NBEAL2: variants seen among roughly 807,000 people sequenced by gnomAD.
NBEAL2 encodes the protein neurobeachin like 2, also known as neurobeachin-like protein 2.
NBEAL2 carries 160 observed loss-of-function variants against 299.8 expected under a neutral mutation model. The ratio of observed to expected loss-of-function variants is 0.53; its 90% CI spans 0.47 to 0.61. The LOEUF (loss-of-function observed/expected upper bound fraction) is 0.61. NBEAL2 is among the 20% of genes least tolerant of loss of function. The pLI, the probability that NBEAL2 is intolerant of heterozygous loss-of-function variation, is 0.00. For synonymous variants in NBEAL2, 1,493 were observed against 1,542.3 expected, an observed-to-expected ratio of 0.97 and a Z score of 0.75; for missense variants, 3,112 against 3,649.0, an observed-to-expected ratio of 0.85 and a Z score of 3.79.
At chr3:47,005,362 A>C in intron 40 of NBEAL2, 41 bp downstream of exon 40, 1 of 1,591,522 alleles carries the variant, frequency 6.3e-7, no homozygotes, top group Non-Finnish European at 8.6e-7. Context: ...GGGGCAGATA[A>C]GGGGAGGAGG....
intron 53 of NBEAL2, 45 bp from the exon 54 acceptor site, chr3:47,009,174 G>A (rs1447842588): frequency 1.6e-5 from 25 of 1,554,974 alleles, no homozygotes; most frequent in Non-Finnish European, 2.1e-5. Context: ...GCGGGGCGTG[G>A]CGCGGCGATC....
rs201681998 is a variant in NBEAL2 at position 46,992,019 on chromosome 3, T to C, written c.1032+73T>C. On this transcript the variant is annotated intron_variant, in intron 9 of 53. Transcript: ENST00000450053. Reference sequence around the variant, plus strand: ...GGGGAGCCACGCATAGGTGCCAGGCTGCTGCTGAGCAAACATGGGCTGGAC... The same window carrying C: ...GGGGAGCCACGCATAGGTGCCAGGCCGCTGCTGAGCAAACATGGGCTGGAC... 127 of 1,312,080 alleles carry C rather than the reference T, an allele frequency of 9.7e-5. 2 individuals carry two copies. The East Asian group carries it at 3.0e-3, about 31-fold the overall frequency. The allele number at this position is 1,312,080 out of a possible 1,614,324, so 81.3% of individuals were successfully genotyped here. A position where few individuals can be genotyped will look rare whatever the true frequency, so the allele number is the denominator to read the frequency against.
rs13081418 is a variant in NBEAL2 at position 47,005,868 on chromosome 3, A to C, written c.6801+21A>C. On this transcript the variant is annotated intron_variant, in intron 42 of 53. Transcript: ENST00000450053. ...CTCTGGTGAGGAAGGAACCACAGGC[A>C]AACGGCAGGCAGCCGGGGTTCTGAA... 0.32 allele frequency: 510,521 copies of C among 1,612,402 alleles called. 83,948 individuals are homozygous for C. Among genetic ancestry groups the C allele is most frequent in the South Asian group, 0.35 (31,661 of 91,064 alleles).
Position 47,005,603 on chromosome 3 carries a change from C to G in NBEAL2, c.6675C>G (p.Phe2225Leu). 1 of 1,613,610 alleles carries G rather than the reference C, an allele frequency of 6.2e-7. No individual in the cohort carries two copies. The highest frequency in any genetic ancestry group is 8.5e-7 in the Non-Finnish European group (1 of 1,179,754). ...CGGAATTCTTCTACTTTCCTGACTT[C>G]CTGGAGAACCAGAACGGTAGGTGTG... is the stretch of plus-strand genomic sequence containing the variant. ...LIPEFFYFPD[F>L]LENQNGFDLG... Residue 2225 changes from phenylalanine to leucine, a missense_variant, in exon 41 of 54, where the codon TTC becomes TTG. Around this residue, in one of 3 missense-constraint regions of NBEAL2, gnomAD observed 521 missense variants for 729.6 expected, o/e 0.71. Transcript: ENST00000450053.
At chr3:46,981,641 C>T (rs889159024) in intron 1 of NBEAL2, among the ~76,000 whole-genome samples, 3 of 152,132 alleles carry the variant, frequency 2.0e-5, no homozygotes, top group Non-Finnish European at 4.4e-5. Context: ...GAGAAGCCTA[C>T]CCTAGTCCTC....
chr3:47,002,582 C>T, intron 32 of NBEAL2, 62 bp downstream of exon 32: 6 of 1,608,618 alleles, frequency 3.7e-6, no homozygotes, highest in Non-Finnish European at 5.1e-6. Context: ...AGATGACTGA[C>T]AATGTGGAGA....
At chr3:46,985,534 C>T (rs1233288056) in intron 1 of NBEAL2, among the ~76,000 whole-genome samples, 2 of 152,174 alleles carry the variant, frequency 1.3e-5, no homozygotes, top group South Asian at 2.1e-4. Flanking sequence ...AAGCAGCCCT[C>T]GGGAGCCCCT....
chr3:46,998,673 G>A (rs189111289), intron 22 of NBEAL2, 44 bp from the exon 23 acceptor site: 19 of 1,554,962 alleles, frequency 1.2e-5, no homozygotes, highest in Admixed American at 9.6e-5. Context: ...CTCTCTCCCC[G>A]CCTTTCTTTG....
rs772350824 is a variant in NBEAL2 at position 46,989,314 on chromosome 3, C to T, written c.406C>T (p.Leu136=). ...AGGCACGCAGTTGGAGAATGTGGCC[C>T]TACATGCTCTGCTTCTCTGCGAGGG... ...GRGTQLENVA[L]HALLLCEGLF... The change falls in exon 5 of 54, where the codon CTA becomes TTA. Residue 136 remains leucine, a synonymous_variant. Transcript: ENST00000450053. The surrounding 1 kb of genome is among the most constrained non-coding windows in gnomAD (Gnocchi z 5.5). 16 of 1,602,324 alleles carry T rather than the reference C, an allele frequency of 1.0e-5. No individual in the cohort carries two copies. In the Admixed American group the frequency reaches 2.6e-4, roughly 26 times the overall value.
Position 47,001,134 on chromosome 3 carries a change from G to C in NBEAL2, c.4439G>C (p.Gly1480Ala). The part of the protein sequence containing the change: ...GQVFSVLTQL[G>A]ASATLVRPPD... ...GTTTTCTCAGTGCTCACCCAGCTGG[G>C]GGCCTCAGCCACACTTGTGCGCCCA... The change falls in exon 28 of 54, where the codon GGG becomes GCG. Residue 1480 changes from glycine to alanine, a missense_variant. Gly to Ala is a moderately conservative substitution (Grantham distance 60). Transcript: ENST00000450053. The surrounding 1 kb of genome is among the most constrained non-coding windows in gnomAD (Gnocchi z 6.1). 1 of 1,612,656 alleles carries C rather than the reference G, an allele frequency of 6.2e-7. No homozygotes were observed. Among genetic ancestry groups the C allele is most frequent in the South Asian group, 1.1e-5 (1 of 90,966 alleles).
intron 10 of NBEAL2, 100 bp from the exon 11 acceptor site, chr3:46,993,837 T>A: frequency 9.7e-7 from 1 of 1,025,776 alleles, no homozygotes; most frequent in South Asian, 1.4e-5. Context: ...ACATGCCACA[T>A]GCCTTGGGGT....
At position 46,997,370 on chromosome 3, in the gene NBEAL2, G is replaced by A. The variant is rs375366029; in HGVS notation, c.2761G>A (p.Gly921Ser). ...TCCAGCTGAAACGCATGACCTCGTG[G>A]GTCCTGAACTGACCTCTGGTCACAA... Reference protein sequence around the residue: ...AGPAETHDLVGPELTSGHNTQ... With the variant: ...AGPAETHDLVSPELTSGHNTQ... The change falls in exon 19 of 54, where the codon GGT becomes AGT. Residue 921 changes from glycine to serine, a missense_variant. Gly to Ser is a moderately conservative substitution (Grantham distance 56). This residue lies in a region of NBEAL2 where 2,243 missense variants were observed against 2,538.1 expected (regional missense o/e 0.88). Coordinates refer to ENST00000450053, the MANE Select transcript of NBEAL2 (RefSeq NM_015175.3). 13 of 1,612,112 alleles carry A rather than the reference G, an allele frequency of 8.1e-6. No individual in the cohort carries two copies. The highest frequency in any genetic ancestry group is 9.3e-6 in the Non-Finnish European group (11 of 1,179,720).
chr3:47,004,300 G>A lies in NBEAL2; in HGVS notation c.6105G>A (p.Val2035=). 6.2e-7 allele frequency: 1 copy of A among 1,613,120 alleles called. No homozygotes were observed. The highest frequency in any genetic ancestry group is 1.1e-5 in the South Asian group (1 of 91,062). The part of the protein sequence containing the change: ...IPPHTQVRNQ[V]YSWLLRLRPP... ...CCCATACCCAGGTACGGAACCAGGT[G>A]TACTCGTGGCTCCTGCGCCTACGGC... Residue 2035 remains valine (V), a synonymous_variant, in exon 37 of 54, where the codon GTG becomes GTA. Coordinates refer to ENST00000450053, the MANE Select transcript of NBEAL2 (RefSeq NM_015175.3). This position sits in a 1 kb window ranked among gnomAD's most constrained non-coding sequence, Gnocchi z 5.0.
chr3:47,000,580 G>A lies in NBEAL2; in HGVS notation c.4305+176G>A, dbSNP rs2036900456. 6.6e-6 allele frequency among the ~76,000 whole-genome samples: 1 copy of A among 152,138 alleles called. No individual in the cohort carries two copies. Among genetic ancestry groups the A allele is most frequent in the Admixed American group, 6.5e-5 (1 of 15,280 alleles). On this transcript the variant is annotated intron_variant, in intron 27 of 53. Transcript: ENST00000450053. The surrounding 1 kb of genome is among the most constrained non-coding windows in gnomAD (Gnocchi z 4.5). The stretch of plus-strand genomic sequence containing the variant: ...CTCATCTGCAGTTGTGTTCCCAGAG[G>A]GCTCCTGGAACAGGGTGAGTCATGA...
At position 47,005,619 on chromosome 3, in the gene NBEAL2, G is replaced by A. The variant is rs202103634; in HGVS notation, c.6691G>A (p.Gly2231Ser). The A allele has an allele frequency of 3.1e-6, 5 of 1,613,110 alleles. No homozygotes were observed. The highest frequency in any genetic ancestry group is 4.2e-6 in the Non-Finnish European group (5 of 1,179,788). Residue 2231 changes from glycine (G) to serine (S), a missense_variant and splice_region_variant, in exon 41 of 54, where the codon GGT (glycine) becomes AGT (serine). This residue lies in a region of NBEAL2 where 521 missense variants were observed against 729.6 expected (regional missense o/e 0.71). Coordinates refer to ENST00000450053, the MANE Select transcript of NBEAL2 (RefSeq NM_015175.3). ...TCCTGACTTCCTGGAGAACCAGAAC[G>A]GTAGGTGTGAGGTGCTCACACTGGA... is the stretch of plus-strand genomic sequence containing the variant. ...YFPDFLENQN[G>S]FDLGCLQLTN... is the part of the protein sequence containing the mutation.
At position 47,009,601 on chromosome 3, in the gene NBEAL2, A is replaced by C; in HGVS notation, c.*281A>C. 1 of 461,812 alleles carries C rather than the reference A, an allele frequency of 2.2e-6. No homozygotes were observed. The highest frequency in any genetic ancestry group is 3.8e-6 in the Non-Finnish European group (1 of 260,136). 28.6% of individuals were successfully genotyped at this position (461,812 alleles called of 1,614,324 possible). ...TCTGGGGCGGGGTTCCCCGGCTTCCAAGTCGCTGTTTCGTCAAAGCACGAG... is the reference window on the plus strand; with the variant it reads ...TCTGGGGCGGGGTTCCCCGGCTTCCCAGTCGCTGTTTCGTCAAAGCACGAG... On this transcript the variant is annotated 3_prime_UTR_variant, in exon 54 of 54. Transcript: ENST00000450053.
rs753711008 is a variant in NBEAL2 at position 47,008,965 on chromosome 3, G to T, written c.8028-24G>T. 1.9e-6 allele frequency: 3 copies of T among 1,598,496 alleles called. No individual in the cohort carries two copies. In the Admixed American group the frequency reaches 5.0e-5, roughly 27 times the overall value. Reference sequence around the variant, plus strand: ...AAAGCCCCCTTGCAGTCGCAAGTTGGTGTATATCCCCTCTCCCTTCCAGAC... The same window carrying T: ...AAAGCCCCCTTGCAGTCGCAAGTTGTTGTATATCCCCTCTCCCTTCCAGAC... On this transcript the variant is annotated intron_variant, in intron 52 of 53. Transcript: ENST00000450053.
rs200072142 is a variant in NBEAL2, at chr3:46,988,778, A to G, written c.140+21A>G. On this transcript the variant is annotated intron_variant, in intron 2 of 53. Transcript: ENST00000450053. This position sits in a 1 kb window ranked among gnomAD's most constrained non-coding sequence, Gnocchi z 4.4. ...CGAAGGTGAGGCTGGATCTGCACTG[A>G]GGGCAGGGACAGAGCAGGGAGATTG... The G allele has an allele frequency of 2.0e-5, 33 of 1,610,946 alleles. No homozygotes were observed. In the Middle Eastern group the frequency reaches 1.2e-3, roughly 56 times the overall value.
rs749092326 is a variant in NBEAL2 at position 47,000,053 on chromosome 3, C to G, written c.3954C>G (p.Pro1318=). Residue 1318 remains proline, a synonymous_variant, in exon 27 of 54, where the codon CCC becomes CCG. Transcript: ENST00000450053. The surrounding 1 kb of genome is among the most constrained non-coding windows in gnomAD (Gnocchi z 4.5). ...ESPTSPKPAP[P]KPPTESPAEP... ...CTACCTCCCCCAAGCCAGCCCCACC[C>G]AAGCCACCCACTGAGTCACCTGCTG... 2 of 1,613,522 alleles carry G rather than the reference C, an allele frequency of 1.2e-6. No individual in the cohort carries two copies. The highest frequency in any genetic ancestry group is 1.1e-5 in the South Asian group (1 of 91,086).
Sources: allele counts gnomAD v4.1 joint callset (sites outside exome capture counted in the v4.1 genomes callset), GRCh38; gene constraint gnomAD v4.1.1; regional missense constraint gnomAD v4.1.1; non-coding constraint Gnocchi (gnomAD v3.1); transcripts MANE v1.5; gene names NCBI Gene and HGNC (gene_info 2026-07-23, HGNC 2026-07-21).